Variants in UTRN observed in about 807,000 individuals in gnomAD.
UTRN encodes dystrophin-related protein 1.
In UTRN, 283 loss-of-function variants were observed where a neutral mutation model predicts 463.9. That is an observed-to-expected ratio of 0.61 (90% CI 0.55 to 0.67). UTRN has a LOEUF of 0.67. Ranked by LOEUF, UTRN falls within the 30% of genes least tolerant of loss-of-function variation. The probability of loss-of-function intolerance (pLI) is 0.00; values close to 1 mark genes in which losing one functional copy is unlikely to be tolerated. For synonymous variants in UTRN, 1,442 were observed against 1,431.5 expected (o/e 1.01, Z -0.17); for missense variants, 3,922 against 4,084.3 (o/e 0.96, Z 1.08).
chr6:144,516,628 G>T (rs1287470640), intron 38 of UTRN, among the ~76,000 whole-genome samples, 183 bp from the exon 39 acceptor site: 2 of 151,574 alleles, frequency 1.3e-5, no homozygotes, highest in African/African-American at 4.8e-5. Context: ...AACTCTCTTT[G>T]AGACATTTTA....
intron 51 of UTRN, among the ~76,000 whole-genome samples, chr6:144,652,219 G>T (rs542880787): frequency 6.6e-5 from 10 of 152,152 alleles, no homozygotes; most frequent in Non-Finnish European, 8.8e-5. Flanking sequence ...GTCAGATGGT[G>T]CTTCACCTGT....
intron 2 of UTRN, among the ~76,000 whole-genome samples, chr6:144,306,316 G>C (rs913171392): frequency 1.6e-4 from 24 of 152,188 alleles, no homozygotes; most frequent in African/African-American, 5.5e-4. Context: ...AGGCAAGCCT[G>C]GGGTTCTGGA....
chr6:144,449,304 G>A (rs993693928), intron 17 of UTRN, among the ~76,000 whole-genome samples: 6 of 152,188 alleles, frequency 3.9e-5, no homozygotes, highest in African/African-American at 1.4e-4. Context: ...ACTGCTTAAT[G>A]CAGTGCCTAG....
intron 58 of UTRN, among the ~76,000 whole-genome samples, chr6:144,768,727 ACTAT>A (rs1401653619): frequency 6.6e-6 from 1 of 152,194 alleles, no homozygotes; most frequent in Non-Finnish European, 1.5e-5. Flanking sequence ...CATTTGCATT[ACTAT>A]CTGTTTTCTT....
intron 2 of UTRN, among the ~76,000 whole-genome samples, chr6:144,400,314 C>T (rs549598983): frequency 4.3e-4 from 66 of 152,126 alleles, no homozygotes; most frequent in African/African-American, 1.5e-3. Flanking sequence ...GTTAAAATAA[C>T]GAATTGGCTT....
chr6:144,729,880 C>A (rs144963572), intron 53 of UTRN, among the ~76,000 whole-genome samples: 27 of 152,238 alleles, frequency 1.8e-4, no homozygotes, highest in Non-Finnish European at 3.2e-4. Context: ...TTGTTTCTAT[C>A]GCTTCATTTT....
chr6:144,514,061 C>G (rs761735966), intron 36 of UTRN, 24 bp downstream of exon 36: 1 of 1,612,558 alleles, frequency 6.2e-7, no homozygotes, highest in Non-Finnish European at 8.5e-7. Context: ...ACATCAGTAA[C>G]GCTTTTGGGA....
At chr6:144,298,739 T>C (rs1584184578) in intron 2 of UTRN, among the ~76,000 whole-genome samples, 1 of 152,204 alleles carries the variant, frequency 6.6e-6, no homozygotes, top group South Asian at 2.1e-4. Flanking sequence ...CATTTAATTA[T>C]GGAACAAAAT....
At chr6:144,468,882 G>GAGTGGA (rs1790213923) in intron 23 of UTRN, among the ~76,000 whole-genome samples, 1 of 152,204 alleles carries the variant, frequency 6.6e-6, no homozygotes, top group Non-Finnish European at 1.5e-5. Context: ...GGAAAGGGGA[G>GAGTGGA]ATAAGATAGG....
In UTRN at chr6:144,725,089, G is replaced by A. The variant is rs951023775; in HGVS notation, c.7810-5268G>A. Among the ~76,000 whole-genome samples the A allele has an allele frequency of 9.2e-5, 14 of 152,158 alleles. No homozygotes were observed. The South Asian group carries it at 1.4e-3, about 16-fold the overall frequency. On this transcript the variant is annotated intron_variant, in intron 53 of 74. Coordinates refer to ENST00000367545, the MANE Select transcript of UTRN (RefSeq NM_007124.3). ...ATCTCACTGAATTGTAATAATCCCCGCATGTCATGGGAGGGACCCAGTGGG... is the reference window on the plus strand; with the variant it reads ...ATCTCACTGAATTGTAATAATCCCCACATGTCATGGGAGGGACCCAGTGGG...
intron 52 of UTRN, among the ~76,000 whole-genome samples, chr6:144,687,323 C>T (rs118020102): frequency 7.9e-4 from 120 of 151,978 alleles, no homozygotes; most frequent in Non-Finnish European, 1.2e-3. Flanking sequence ...TCTCACCTAA[C>T]GCATAAGGAT....
chr6:144,412,401 CATT>C (rs1562360905), intron 3 of UTRN, among the ~76,000 whole-genome samples: 1 of 151,914 alleles, frequency 6.6e-6, no homozygotes, highest in Non-Finnish European at 1.5e-5. Context: ...CTTACTGATG[CATT>C]ATTGATTATT....
intron 32 of UTRN, among the ~76,000 whole-genome samples, chr6:144,492,761 A>G (rs1247989654): frequency 6.6e-6 from 1 of 152,166 alleles, no homozygotes; most frequent in Non-Finnish European, 1.5e-5. Flanking sequence ...TGCATCAGAA[A>G]TCTGTTTACT....
At chr6:144,808,907 G>A (rs1228112562) in intron 65 of UTRN, among the ~76,000 whole-genome samples, 1 of 151,762 alleles carries the variant, frequency 6.6e-6, no homozygotes, top group East Asian at 1.9e-4. Context: ...CCATTTTTCT[G>A]TTGTAGGATA....
chr6:144,572,319 G>A (rs1490984705), intron 50 of UTRN, among the ~76,000 whole-genome samples: 1 of 151,932 alleles, frequency 6.6e-6, no homozygotes, highest in Non-Finnish European at 1.5e-5. Context: ...ATATCTAGGA[G>A]CTTCTTGAAA....
At chr6:144,347,850 G>GTT (rs1340536493) in intron 2 of UTRN, among the ~76,000 whole-genome samples, 2 of 128,590 alleles carry the variant, frequency 1.6e-5, no homozygotes, top group African/African-American at 3.4e-5. Flanking sequence ...TTTTTTTTTT[G>GTT]TTTTTTTTTT....
chr6:144,612,745 A>G (rs1805657693), intron 51 of UTRN, among the ~76,000 whole-genome samples: 1 of 152,116 alleles, frequency 6.6e-6, no homozygotes, highest in Admixed American at 6.6e-5. Flanking sequence ...GAACTCATAT[A>G]TTGTGAGTGG....
At chr6:144,591,052 A>T (rs1803014677) in intron 51 of UTRN, among the ~76,000 whole-genome samples, 1 of 152,050 alleles carries the variant, frequency 6.6e-6, no homozygotes, top group Non-Finnish European at 1.5e-5. Context: ...GGATCAAATG[A>T]GATGATCCAC....
At position 144,504,804 on chromosome 6, in the gene UTRN, C is replaced by T. The variant is rs1345517630; in HGVS notation, c.4764+5377C>T. 2.6e-5 allele frequency among the ~76,000 whole-genome samples: 4 copies of T among 152,248 alleles called. No homozygotes were observed. The East Asian group carries it at 7.7e-4, about 29-fold the overall frequency. On this transcript the variant is annotated intron_variant, in intron 34 of 74. Transcript: ENST00000367545. ...GAGTTAGGGAGGAGTCCCTCTCTTT[C>T]TATTGTTTGGAATAGTTTCAGAAGG...
Sources: allele counts gnomAD v4.1 joint callset (sites outside exome capture counted in the v4.1 genomes callset), GRCh38; gene constraint gnomAD v4.1.1; transcripts MANE v1.5; gene names NCBI Gene and HGNC (gene_info 2026-07-23, HGNC 2026-07-21).